Variants in JARID2 observed in about 807,000 individuals in gnomAD.
JARID2 encodes jumonji and AT-rich interaction domain containing 2, also known as protein Jumonji.
A neutral mutation model predicts 125.6 loss-of-function variants in JARID2; 21 were observed. The observed-to-expected ratio is 0.17, with a 90% CI of 0.12 to 0.24. The LOEUF is 0.24. Among genes scored for constraint, JARID2 ranks in the 10% least tolerant of loss-of-function variants. The pLI is 1.00. For missense variants in JARID2, 1,303 were observed against 1,639.6 expected, an observed-to-expected ratio of 0.79 and a Z score of 3.55; for synonymous variants, 736 against 661.6, an observed-to-expected ratio of 1.11 and a Z score of -1.73.
At chr6:15,275,379 T>G (rs2127362012) in intron 1 of JARID2, among the ~76,000 whole-genome samples, 1 of 152,270 alleles carries the variant, frequency 6.6e-6, no homozygotes. Context: ...ATACACAGCT[T>G]CTTCATTAGA....
rs913954011 is a variant in JARID2 at position 15,507,856 on chromosome 6, C to T, written c.2731+440C>T. 3.3e-5 allele frequency among the ~76,000 whole-genome samples: 5 copies of T among 152,190 alleles called. No individual in the cohort carries two copies. In the East Asian group the frequency reaches 5.8e-4, roughly 18 times the overall value. On this transcript the variant is annotated intron_variant, in intron 11 of 17. Transcript: ENST00000341776. ...ATGAATGTGAAGGCCCAGGCCTTGG[C>T]GAAAGTGGCTAGGAACCTGTCCGGG...
intron 13 of JARID2, among the ~76,000 whole-genome samples, chr6:15,511,881 C>T (rs887849915): frequency 1.3e-5 from 2 of 152,152 alleles, no homozygotes; most frequent in Non-Finnish European, 2.9e-5. Flanking sequence ...AGCCTGTGGG[C>T]CTGTGGCCTA....
At chr6:15,430,684 T>TGTTAGGTAAGTAG (rs2127599304) in intron 3 of JARID2, among the ~76,000 whole-genome samples, 1 of 152,340 alleles carries the variant, frequency 6.6e-6, no homozygotes, top group East Asian at 1.9e-4. Context: ...AAATCGCTTT[T>TGTTAGGTAAGTAG]GTCAGTGCCT....
intron 1 of JARID2, among the ~76,000 whole-genome samples, chr6:15,360,986 T>C (rs1180871369): frequency 1.3e-5 from 2 of 152,244 alleles, no homozygotes; most frequent in African/African-American, 4.8e-5. Context: ...CACCTAAATT[T>C]ATATTCTGAG....
intron 2 of JARID2, among the ~76,000 whole-genome samples, chr6:15,391,733 C>T (rs1379517107): frequency 6.6e-6 from 1 of 152,150 alleles, no homozygotes; most frequent in Non-Finnish European, 1.5e-5. Context: ...TCTTGTTCTA[C>T]CAGTAACTGG....
intron 3 of JARID2, among the ~76,000 whole-genome samples, chr6:15,446,228 C>T (rs1767665952): frequency 6.6e-6 from 1 of 152,204 alleles, no homozygotes. Context: ...GAGGCCTTGT[C>T]CTCTAGACTT....
At chr6:15,324,633 C>T (rs1213731138) in intron 1 of JARID2, among the ~76,000 whole-genome samples, 9 of 151,230 alleles carry the variant, frequency 6.0e-5, no homozygotes, top group East Asian at 1.9e-4. Context: ...TGCACCACCA[C>T]GCCTGGCTGA....
intron 4 of JARID2, among the ~76,000 whole-genome samples, chr6:15,456,731 A>T (rs922710491): frequency 6.6e-6 from 1 of 152,066 alleles, no homozygotes; most frequent in Non-Finnish European, 1.5e-5. Context: ...TCTATCTAGG[A>T]TATCTAGATA....
At chr6:15,473,514 G>GCTCCC (rs1561887593) in intron 5 of JARID2, among the ~76,000 whole-genome samples, 2 of 35,000 alleles carry the variant, frequency 5.7e-5, no homozygotes, top group Non-Finnish European at 1.5e-4. Flanking sequence ...TGATGTGCGT[G>GCTCCC]CCCCCCCCCC....
intron 11 of JARID2, among the ~76,000 whole-genome samples, chr6:15,507,618 G>C (rs1771072257): frequency 6.6e-6 from 1 of 152,216 alleles, no homozygotes; most frequent in African/African-American, 2.4e-5. Context: ...AGGTGGAAAG[G>C]TGAACCGCAT....
At chr6:15,466,639 CATT>C (rs1206540211) in intron 4 of JARID2, among the ~76,000 whole-genome samples, 2 of 152,182 alleles carry the variant, frequency 1.3e-5, no homozygotes, top group Non-Finnish European at 2.9e-5. Flanking sequence ...GGATCAACAA[CATT>C]GTTGTATTTG....
At chr6:15,384,669 C>T (rs888433056) in intron 2 of JARID2, among the ~76,000 whole-genome samples, 3 of 152,148 alleles carry the variant, frequency 2.0e-5, no homozygotes, top group Non-Finnish European at 2.9e-5. Flanking sequence ...CATCTCACTG[C>T]AGCCTGGGCT....
Position 15,496,300 on chromosome 6 carries a change from G to C in JARID2, c.1075G>C (p.Asp359His), listed in dbSNP as rs1770418741. 1 of 1,614,114 alleles carries C rather than the reference G, an allele frequency of 6.2e-7. No individual in the cohort carries two copies. ...CAAAGCCAAGAGAGAACTGGTCAAGGACACCAAACCCAATCACCACAAGCC... is the reference window on the plus strand; with the variant it reads ...CAAAGCCAAGAGAGAACTGGTCAAGCACACCAAACCCAATCACCACAAGCC... ...YTKAKRELVK[D>H]TKPNHHKPSS... Residue 359 changes from aspartate to histidine, a missense_variant, in exon 7 of 18, where the codon GAC becomes CAC. Transcript: ENST00000341776.
At chr6:15,447,279 G>GC (rs538320605) in intron 3 of JARID2, among the ~76,000 whole-genome samples, 259 of 152,236 alleles carry the variant, frequency 1.7e-3, no homozygotes, top group Middle Eastern at 6.8e-3. Context: ...ACCTTGGCTT[G>GC]CTGGAGGGCT....
intron 4 of JARID2, among the ~76,000 whole-genome samples, 195 bp from the exon 5 acceptor site, chr6:15,468,347 C>A (rs1283223362): frequency 6.6e-6 from 1 of 151,770 alleles, no homozygotes. Flanking sequence ...CATCTTCTTC[C>A]TGCTGGGGGA....
chr6:15,268,876 G>C (rs1362852306), intron 1 of JARID2, among the ~76,000 whole-genome samples: 1 of 152,190 alleles, frequency 6.6e-6, no homozygotes, highest in Non-Finnish European at 1.5e-5. Flanking sequence ...GGATTTTTCA[G>C]AAGTGGAAGC....
intron 3 of JARID2, among the ~76,000 whole-genome samples, 191 bp from the exon 4 acceptor site, chr6:15,451,815 A>G (rs1386553371): frequency 6.6e-6 from 1 of 152,132 alleles, no homozygotes; most frequent in Non-Finnish European, 1.5e-5. Flanking sequence ...TAGTCCTTTA[A>G]CCAAATTTAT....
At chr6:15,388,589 AT>A in intron 2 of JARID2, among the ~76,000 whole-genome samples, 1 of 52,820 alleles carries the variant, frequency 1.9e-5, no homozygotes, top group Admixed American at 2.3e-4. Flanking sequence ...ATATTATAAA[AT>A]ATATATATAT....
At chr6:15,383,785 C>G (rs1358985947) in intron 2 of JARID2, among the ~76,000 whole-genome samples, 2 of 152,000 alleles carry the variant, frequency 1.3e-5, no homozygotes, top group Non-Finnish European at 2.9e-5. Context: ...TGCTTGACTG[C>G]TGCATTTTGA....
Sources: allele counts gnomAD v4.1 joint callset (sites outside exome capture counted in the v4.1 genomes callset), GRCh38; gene constraint gnomAD v4.1.1; transcripts MANE v1.5; gene names NCBI Gene and HGNC (gene_info 2026-07-23, HGNC 2026-07-21).